Variants in MKLN1 observed in about 807,000 individuals in gnomAD.
MKLN1 encodes the protein muskelin.
A neutral mutation model predicts 99.0 loss-of-function variants in MKLN1; 18 were observed. That is an observed-to-expected ratio of 0.18 (90% CI 0.13 to 0.27). MKLN1 has a LOEUF of 0.27. Among genes scored for constraint, MKLN1 ranks in the 10% least tolerant of loss-of-function variants. The pLI is 1.00. For missense variants in MKLN1, 621 were observed against 875.9 expected (o/e 0.71, Z 3.67); for synonymous variants, 288 against 293.2 (o/e 0.98, Z 0.18).
chr7:131,303,754 T>C (rs529990520), intron 3 of MKLN1, among the ~76,000 whole-genome samples: 2 of 152,324 alleles, frequency 1.3e-5, no homozygotes, highest in Admixed American at 6.5e-5. Context: ...GAAAATTAAT[T>C]GAGATAATGC....
At chr7:131,321,401 C>T (rs1275363592) in intron 3 of MKLN1, among the ~76,000 whole-genome samples, 1 of 151,976 alleles carries the variant, frequency 6.6e-6, no homozygotes, top group Non-Finnish European at 1.5e-5. Context: ...ACAAGAAGAA[C>T]ATTAAACACC....
Position 131,146,967 on chromosome 7 carries a change from T to A in MKLN1, c.-297+4026T>A, listed in dbSNP as rs79494898. Among the ~76,000 whole-genome samples the A allele has an allele frequency of 2.1e-3, 326 of 152,274 alleles. 7 individuals carry two copies. In the East Asian group the frequency reaches 0.053, roughly 25 times the overall value. ...CAGTTGCGTGTATGTTTTTTAAGTATGATGGAAGCAAAGAACAGAAAGGAA... is the reference window on the plus strand; with the variant it reads ...CAGTTGCGTGTATGTTTTTTAAGTAAGATGGAAGCAAAGAACAGAAAGGAA... On this transcript the variant is annotated intron_variant, in intron 2 of 7. Transcript: ENST00000416992.
intron 2 of MKLN1, among the ~76,000 whole-genome samples, chr7:131,169,297 C>G (rs1348451954): frequency 3.3e-5 from 5 of 152,188 alleles, no homozygotes; most frequent in African/African-American, 1.2e-4. Flanking sequence ...CCTAAGTGAA[C>G]AATTGAATAA....
chr7:131,211,779 G>C (rs1796910045), intron 3 of MKLN1, among the ~76,000 whole-genome samples: 2 of 152,102 alleles, frequency 1.3e-5, no homozygotes, highest in South Asian at 4.1e-4. Flanking sequence ...ATTACTCTAG[G>C]AGGCTCATAA....
intron 3 of MKLN1, among the ~76,000 whole-genome samples, chr7:131,315,757 C>T (rs772274219): frequency 4.6e-5 from 7 of 152,166 alleles, no homozygotes; most frequent in Non-Finnish European, 1.5e-5. Flanking sequence ...GCAGTTTTCC[C>T]CTGATAGTGA....
chr7:131,170,088 G>A (rs1796194743), intron 2 of MKLN1, among the ~76,000 whole-genome samples: 1 of 152,110 alleles, frequency 6.6e-6, no homozygotes, highest in Non-Finnish European at 1.5e-5. Flanking sequence ...CTATCTTTAT[G>A]AAAGAAAGAG....
Position 131,202,106 on chromosome 7 carries a change from A to G in MKLN1, c.-296-751A>G, listed in dbSNP as rs532705743. Among the ~76,000 whole-genome samples the G allele has an allele frequency of 7.2e-4, 105 of 146,194 alleles. 1 individual carries two copies. Among genetic ancestry groups the G allele is most frequent in the Non-Finnish European group, 9.7e-4 (65 of 66,810 alleles). On this transcript the variant is annotated intron_variant, in intron 2 of 7. Transcript: ENST00000416992. ...ATCAATCAGTGTTTTGCTCTAACTAATATATCTTTTTCGGGGTTTCTCCAC... is the reference window on the plus strand; with the variant it reads ...ATCAATCAGTGTTTTGCTCTAACTAGTATATCTTTTTCGGGGTTTCTCCAC...
intron 2 of MKLN1, among the ~76,000 whole-genome samples, chr7:131,160,682 C>CTT (rs5887499): frequency 4.2e-5 from 5 of 119,590 alleles, no homozygotes; most frequent in East Asian, 2.4e-4. Context: ...CCACACTGTG[C>CTT]TTTTTTTTTT....
chr7:131,401,429 T>A (rs1794540027), intron 6 of MKLN1, among the ~76,000 whole-genome samples: 1 of 152,200 alleles, frequency 6.6e-6, no homozygotes. Context: ...GAGATTGTAC[T>A]GAAATCCACC....
At chr7:131,152,719 C>T (rs1448408298) in intron 2 of MKLN1, among the ~76,000 whole-genome samples, 3 of 151,848 alleles carry the variant, frequency 2.0e-5, no homozygotes, top group South Asian at 2.1e-4. Context: ...AGGGTGCTCT[C>T]GAACTCCTGA....
intron 10 of MKLN1, among the ~76,000 whole-genome samples, chr7:131,441,526 A>T (rs548980929): frequency 6.6e-6 from 1 of 152,294 alleles, no homozygotes; most frequent in African/African-American, 2.4e-5. Context: ...TAAGTCTTTG[A>T]TGGAAAAGAC....
intron 12 of MKLN1, among the ~76,000 whole-genome samples, chr7:131,456,344 C>T (rs1796337488): frequency 6.6e-6 from 1 of 152,128 alleles, no homozygotes; most frequent in African/African-American, 2.4e-5. Context: ...GCCAAAGTAG[C>T]AAACTGACAC....
At chr7:131,295,767 G>A (rs917404292) in intron 3 of MKLN1, among the ~76,000 whole-genome samples, 2 of 151,608 alleles carry the variant, frequency 1.3e-5, no homozygotes, top group African/African-American at 4.8e-5. Context: ...TGCCTGTAGT[G>A]CCAGCTTCAA....
chr7:131,233,954 A>G (rs560613990), intron 3 of MKLN1, among the ~76,000 whole-genome samples: 1 of 152,250 alleles, frequency 6.6e-6, no homozygotes, highest in South Asian at 2.1e-4. Flanking sequence ...TAAAAAAGAA[A>G]GCATTTTTCT....
At chr7:131,450,211 T>C (rs1394712380) in intron 12 of MKLN1, among the ~76,000 whole-genome samples, 1 of 152,222 alleles carries the variant, frequency 6.6e-6, no homozygotes, top group East Asian at 1.9e-4. Flanking sequence ...GATACAGCTA[T>C]TCTGTGTTAC....
At chr7:131,486,672 G>A (rs886703599) in intron 17 of MKLN1, among the ~76,000 whole-genome samples, 7 of 152,008 alleles carry the variant, frequency 4.6e-5, no homozygotes, top group Non-Finnish European at 1.0e-4. Flanking sequence ...ATTTAGCAGC[G>A]CTCTCATGTC....
At chr7:131,144,130 C>T (rs10246495) in intron 2 of MKLN1, among the ~76,000 whole-genome samples, 31,099 of 152,042 alleles carry the variant, frequency 0.2, 3,864 homozygotes, top group African/African-American at 0.34. Context: ...GCACTTGGAA[C>T]AGTAACTGGT....
intron 6 of MKLN1, among the ~76,000 whole-genome samples, chr7:131,402,550 T>C (rs1010770346): frequency 6.6e-6 from 1 of 152,222 alleles, no homozygotes; most frequent in Admixed American, 6.5e-5. Context: ...CAATTTACTT[T>C]GCCCAGATCC....
intron 2 of MKLN1, among the ~76,000 whole-genome samples, chr7:131,175,046 G>C (rs1796274896): frequency 6.6e-6 from 1 of 150,428 alleles, no homozygotes; most frequent in Non-Finnish European, 1.5e-5. Context: ...ATGGATGGAT[G>C]GATGGATGGA....
Sources: allele counts gnomAD v4.1 joint callset (sites outside exome capture counted in the v4.1 genomes callset), GRCh38; gene constraint gnomAD v4.1.1; transcripts MANE v1.5; gene names NCBI Gene and HGNC (gene_info 2026-07-23, HGNC 2026-07-21).